The following FAM53A variants were observed in gnomAD, a reference collection of about 807,000 sequenced individuals.
FAM53A encodes the protein family with sequence similarity 53 member A.
In FAM53A, 28 loss-of-function variants were observed where a neutral mutation model predicts 26.6. The ratio of observed to expected loss-of-function variants is 1.05; its 90% confidence interval spans 0.78 to 1.45. The LOEUF (loss-of-function observed/expected upper bound fraction) is 1.45, where lower values mean the gene tolerates loss of function less well. FAM53A is among the 40% of genes most tolerant of loss of function. The pLI, the probability that FAM53A is intolerant of heterozygous loss-of-function variation, is 0.00. For synonymous variants in FAM53A, 290 were observed against 253.1 expected (o/e 1.15, Z -1.38); for missense variants, 650 against 575.8 (o/e 1.13, Z -1.32).
intron 4 of FAM53A, chr4:1,644,412 G>A: frequency 4.0e-6 from 6 of 1,509,750 alleles, no homozygotes; most frequent in Non-Finnish European, 5.3e-6. Context: ...AAAAACTTCT[G>A]CCCACAGACA....
At chr4:1,618,551 C>T (rs1560103701) in intron 1 of FAM53A, among the ~76,000 whole-genome samples, 3 of 152,208 alleles carry the variant, frequency 2.0e-5, no homozygotes, top group Admixed American at 6.5e-5. Flanking sequence ...TGGGCTGGAG[C>T]TGCATGGGGA....
chr4:1,597,615 T>C, the FAM53A span, among the ~76,000 whole-genome samples: 1 of 152,064 alleles, frequency 6.6e-6, no homozygotes, highest in Non-Finnish European at 1.5e-5. Context: ...AGTCAAACCC[T>C]CCGGGGCCCC....
chr4:1,613,769 A>G (rs1336859507), downstream of FAM53A, among the ~76,000 whole-genome samples: 1 of 152,162 alleles, frequency 6.6e-6, no homozygotes. Context: ...AAAACCACAC[A>G]ATTGTCTCAG....
At chr4:1,596,324 A>T in the FAM53A span, among the ~76,000 whole-genome samples, 1 of 152,162 alleles carries the variant, frequency 6.6e-6, no homozygotes, top group African/African-American at 2.4e-5. Context: ...TATTGTTTTC[A>T]ATTAAACTTT....
intron 2 of FAM53A, among the ~76,000 whole-genome samples, chr4:1,660,620 G>C (rs1713756822): frequency 6.6e-6 from 1 of 152,110 alleles, no homozygotes; most frequent in East Asian, 1.9e-4. Context: ...TGGGCACGGT[G>C]GCTCACGCCT....
chr4:1,668,728 A>T lies in FAM53A; in HGVS notation c.14T>A (p.Ile5Asn). 1 of 1,614,188 alleles carries T rather than the reference A, an allele frequency of 6.2e-7. No individual in the cohort carries two copies. The change falls in exon 2 of 5, where the codon ATC becomes AAC. Residue 5 changes from isoleucine (I) to asparagine (N), a missense_variant. By Grantham distance (149) the Ile-to-Asn change is moderately radical. Transcript: ENST00000308132. ...GCTCTGGCTCTGCAGCTTCTCAGTG[A>T]TGAGTGTGACCATGGTCGGGGCCCC... is the stretch of plus-strand genomic sequence containing the variant. Reference protein sequence around the residue: MVTLITEKLQSQSLD... With the variant: MVTLNTEKLQSQSLD...
chr4:1,610,719 G>A, the FAM53A span, among the ~76,000 whole-genome samples: 1 of 152,070 alleles, frequency 6.6e-6, no homozygotes, highest in African/African-American at 2.4e-5. Flanking sequence ...AGGTGGCTGT[G>A]ACCCCAGGCC....
At chr4:1,681,286 C>T (rs1325151706) in intron 1 of FAM53A, among the ~76,000 whole-genome samples, 6 of 151,854 alleles carry the variant, frequency 4.0e-5, no homozygotes, top group African/African-American at 1.2e-4. Flanking sequence ...TTAGTAGAGA[C>T]GGGGTTTCGC....
rs751516446 is a variant in FAM53A at position 1,655,610 on chromosome 4, G to A, written c.250C>T (p.Leu84Phe). ...GLSAAAHTMG[L>F]QWQPQSPRPG... ...CGCGGGGACTGTGGCTGCCACTGAA[G>A]ACCCATGGTGTGAGCGGCAGCAGAC... The change falls in exon 4 of 5, where the codon CTT (leucine) becomes TTT (phenylalanine). Residue 84 changes from leucine to phenylalanine, a missense_variant. Leu to Phe is a conservative substitution (Grantham distance 22, BLOSUM62 0). Coordinates refer to ENST00000308132, the MANE Select transcript of FAM53A (RefSeq NM_001174070.3). 1.6e-5 allele frequency: 25 copies of A among 1,591,796 alleles called. No homozygotes were observed. The highest frequency in any genetic ancestry group is 2.7e-5 in the African/African-American group (2 of 74,052).
At chr4:1,590,725 A>G in the FAM53A span, among the ~76,000 whole-genome samples, 1 of 151,842 alleles carries the variant, frequency 6.6e-6, no homozygotes, top group African/African-American at 2.4e-5. Flanking sequence ...ATAAGTGTGC[A>G]CAAAAGAAAT....
chr4:1,625,622 AGGGTCACG>A, intron 1 of FAM53A, among the ~76,000 whole-genome samples: 1 of 81,438 alleles, frequency 1.2e-5, no homozygotes, highest in Non-Finnish European at 2.8e-5. Context: ...CCACGTGGTC[AGGGTCACG>A]CCAGGTGATC....
the FAM53A span, among the ~76,000 whole-genome samples, chr4:1,606,040 CTTTT>C: frequency 7.4e-6 from 1 of 135,824 alleles, no homozygotes; most frequent in African/African-American, 2.7e-5. Context: ...TCCTATGACT[CTTTT>C]TTTTTTTTTT....
At chr4:1,615,967 C>T (rs1349943113), downstream of FAM53A, among the ~76,000 whole-genome samples, 2 of 152,182 alleles carry the variant, frequency 1.3e-5, no homozygotes. Context: ...CAACAGAGAC[C>T]AACCTGCCAC....
downstream of FAM53A, among the ~76,000 whole-genome samples, chr4:1,636,487 A>C (rs1331259652): frequency 6.6e-6 from 1 of 152,218 alleles, no homozygotes; most frequent in Non-Finnish European, 1.5e-5. Context: ...CGTTCACGGG[A>C]GATCCCGTCC....
Position 1,630,571 on chromosome 4 carries a change from C to T in FAM53A, c.432-12460G>A, listed in dbSNP as rs1266760661. 6.6e-6 allele frequency among the ~76,000 whole-genome samples: 1 copy of T among 152,228 alleles called. No homozygotes were observed. Among genetic ancestry groups the T allele is most frequent in the African/African-American group, 2.4e-5 (1 of 41,464 alleles). On this transcript the variant is annotated intron_variant, in intron 1 of 1. Transcript: ENST00000489029. The surrounding 1 kb of genome is among the most constrained non-coding windows in gnomAD (Gnocchi z 4.3). ...CGGGCCCCGTTCAGCCAGTCCGTCC[C>T]ACACCTGAGGCAGGCTCAGCAATTC...
At chr4:1,613,210 G>GT (rs1553797648), downstream of FAM53A, among the ~76,000 whole-genome samples, 1 of 152,244 alleles carries the variant, frequency 6.6e-6, no homozygotes, top group Non-Finnish European at 1.5e-5. Context: ...CACAGACTGA[G>GT]TAATTTACAA....
chr4:1,580,661 CAGGCCACGCCTCCCACTG>C, the FAM53A span, among the ~76,000 whole-genome samples: 218 of 148,900 alleles, frequency 1.5e-3, no homozygotes, highest in African/African-American at 5.1e-3. Context: ...GCCTCCCGCC[CAGGCCACGCCTCCCACTG>C]AGGACCCTGC....
the FAM53A span, among the ~76,000 whole-genome samples, chr4:1,609,046 G>A: frequency 5.6e-4 from 85 of 152,122 alleles, no homozygotes; most frequent in Admixed American, 9.2e-4. Flanking sequence ...TTGAATCCAC[G>A]TCAGGAACCA....
intron 2 of FAM53A, among the ~76,000 whole-genome samples, chr4:1,663,362 A>G (rs1170401171): frequency 6.6e-6 from 1 of 152,224 alleles, no homozygotes; most frequent in African/African-American, 2.4e-5. Flanking sequence ...ATGAAGACCT[A>G]CTTCCACACA....
Sources: gnomAD v4.1 joint callset for allele counts (sites outside exome capture counted in the v4.1 genomes callset) on GRCh38, gnomAD v4.1.1 for gene constraint, Gnocchi (gnomAD v3.1) non-coding constraint, MANE v1.5 for transcripts, NCBI Gene and HGNC (gene_info 2026-07-23, HGNC 2026-07-21) for gene names.